Variants in SLC11A2 observed in about 807,000 individuals in gnomAD.
SLC11A2 encodes natural resistance-associated macrophage protein 2.
SLC11A2 carries 38 observed loss-of-function variants against 68.0 expected under a neutral mutation model. That is an observed-to-expected ratio of 0.56 (90% CI 0.43 to 0.73). The LOEUF is 0.73. Among genes scored for constraint, SLC11A2 ranks in the 30% least tolerant of loss-of-function variants. The pLI is 0.00. For synonymous variants in SLC11A2, 242 were observed against 250.6 expected, an observed-to-expected ratio of 0.97 and a Z score of 0.32; for missense variants, 517 against 690.5, an observed-to-expected ratio of 0.75 and a Z score of 2.82.
At chr12:50,975,137 G>A (rs1479144719), downstream of SLC11A2, among the ~76,000 whole-genome samples, 3 of 152,148 alleles carry the variant, frequency 2.0e-5, no homozygotes, top group Non-Finnish European at 2.9e-5. Context: ...GCACCAAGTG[G>A]ACCTAATAGA....
chr12:50,981,974 G>C (rs574344653), downstream of SLC11A2, among the ~76,000 whole-genome samples: 13 of 152,258 alleles, frequency 8.5e-5, no homozygotes, highest in African/African-American at 3.1e-4. Flanking sequence ...AATGGCTTCT[G>C]ATATGCAAAA....
At chr12:50,995,034 G>GGC (rs1358770461) in intron 10 of SLC11A2, 3 of 279,348 alleles carry the variant, frequency 1.1e-5, no homozygotes, top group African/African-American at 6.7e-5. Context: ...AGGCAGGCCA[G>GGC]GCACAGGAGC....
chr12:50,989,666 T>A (rs2136174033), intron 15 of SLC11A2, among the ~76,000 whole-genome samples: 1 of 152,262 alleles, frequency 6.6e-6, no homozygotes, highest in South Asian at 2.1e-4. Flanking sequence ...TTCCTTGAAG[T>A]TAAGTTCCTA....
At chr12:50,978,984 T>C (rs1440304686), downstream of SLC11A2, among the ~76,000 whole-genome samples, 2 of 152,184 alleles carry the variant, frequency 1.3e-5, no homozygotes, top group Non-Finnish European at 2.9e-5. Flanking sequence ...AATTAGGTAA[T>C]TGCACTTTTT....
chr12:50,954,221 G>A, the SLC11A2 span: 16 of 585,058 alleles, frequency 2.7e-5, no homozygotes, highest in East Asian at 4.5e-4. Context: ...CCTCCTCTAA[G>A]CATGTGTTGA....
At chr12:51,012,729 T>C (rs940154834) in intron 1 of SLC11A2, among the ~76,000 whole-genome samples, 2 of 152,222 alleles carry the variant, frequency 1.3e-5, no homozygotes, top group African/African-American at 2.4e-5. Context: ...TTGGAAAACA[T>C]AATCCTTCCT....
intron 5 of SLC11A2, among the ~76,000 whole-genome samples, chr12:51,004,386 T>C (rs1013357525): frequency 2.2e-4 from 34 of 152,122 alleles, no homozygotes; most frequent in African/African-American, 8.2e-4. Flanking sequence ...AGAAAAAAAA[T>C]TACTTTTTCA....
At chr12:51,019,088 G>A (rs1943867375) in intron 1 of SLC11A2, among the ~76,000 whole-genome samples, 1 of 152,102 alleles carries the variant, frequency 6.6e-6, no homozygotes, top group South Asian at 2.1e-4. Flanking sequence ...ATGCGTTCAA[G>A]CTACATGGCA....
the SLC11A2 span, among the ~76,000 whole-genome samples, chr12:50,973,546 G>T: frequency 6.6e-6 from 1 of 152,234 alleles, no homozygotes; most frequent in Middle Eastern, 3.4e-3. Flanking sequence ...GGAAAAAACA[G>T]AGCAGAAAAA....
intron 11 of SLC11A2, 159 bp from the exon 12 acceptor site, chr12:50,993,088 A>G: frequency 1.3e-6 from 1 of 784,056 alleles, no homozygotes. Context: ...TCAAGTCTGG[A>G]CCTCATTCCA....
the SLC11A2 span, among the ~76,000 whole-genome samples, chr12:50,952,699 G>A: frequency 3.3e-5 from 5 of 152,138 alleles, no homozygotes; most frequent in Admixed American, 6.5e-5. Context: ...GCGCACCTGC[G>A]ATGGCCTTAC....
Position 51,010,749 on chromosome 12 carries a change from A to G in SLC11A2, c.-21T>C, listed in dbSNP as rs750610906. ...ACCATGGTGGATACCTGAGTGGCTG[A>G]GTTCTTAGAATATGATTCTGGAAAG... On this transcript the variant is annotated 5_prime_UTR_variant, in exon 2 of 16. Transcript: ENST00000262052. 1.2e-6 allele frequency: 2 copies of G among 1,601,556 alleles called. No individual in the cohort carries two copies. The highest frequency in any genetic ancestry group is 2.2e-5 in the East Asian group (1 of 44,816).
Position 50,987,780 on chromosome 12 carries a change from T to C in SLC11A2, c.*545A>G. 7.8e-7 allele frequency: 1 copy of C among 1,285,224 alleles called. No individual in the cohort carries two copies. The highest frequency in any genetic ancestry group is 1.0e-6 in the Non-Finnish European group (1 of 987,858). The allele number at this position is 1,285,224 out of a possible 1,614,324, so 79.6% of individuals were successfully genotyped here. ...AAATAAGTTCAAAGAATCCTAAGCC[T>C]GATAGAGCTAGGTGTCTCTTCATTT... On this transcript the variant is annotated 3_prime_UTR_variant, in exon 16 of 16. Coordinates refer to ENST00000262052, the MANE Select transcript of SLC11A2 (RefSeq NM_000617.3).
At chr12:50,990,525 AT>A in intron 15 of SLC11A2, 1 of 399,728 alleles carries the variant, frequency 2.5e-6, no homozygotes, top group Non-Finnish European at 4.5e-6. Flanking sequence ...TTCCATATAC[AT>A]TGTCTCGATC....
the SLC11A2 span, among the ~76,000 whole-genome samples, chr12:50,971,145 G>A: frequency 1.2e-4 from 19 of 152,138 alleles, no homozygotes; most frequent in Non-Finnish European, 4.4e-5. Context: ...TTCCCAAAGT[G>A]CTGGGATTAC....
intron 8 of SLC11A2, among the ~76,000 whole-genome samples, chr12:50,998,862 C>T (rs1021381996): frequency 6.6e-6 from 1 of 152,168 alleles, no homozygotes; most frequent in African/African-American, 2.4e-5. Context: ...CTGCAACCCC[C>T]TCCTTAATTA....
downstream of SLC11A2, among the ~76,000 whole-genome samples, chr12:50,976,212 T>A (rs1334855651): frequency 6.6e-6 from 1 of 152,082 alleles, no homozygotes; most frequent in Non-Finnish European, 1.5e-5. Context: ...TAGACCAATA[T>A]CCCTGATGAA....
At chr12:51,012,857 C>A (rs1402322823) in intron 1 of SLC11A2, among the ~76,000 whole-genome samples, 1 of 152,200 alleles carries the variant, frequency 6.6e-6, no homozygotes, top group African/African-American at 2.4e-5. Flanking sequence ...ATAATACTGA[C>A]TAAATTCAAC....
At chr12:50,961,242 T>C in the SLC11A2 span, 1 of 907,682 alleles carries the variant, frequency 1.1e-6, no homozygotes, top group Non-Finnish European at 1.6e-6. Context: ...CTTCCCTTAG[T>C]TGAGGTTGTG....
Sources: gnomAD v4.1 joint callset for allele counts (sites outside exome capture counted in the v4.1 genomes callset) on GRCh38, gnomAD v4.1.1 for gene constraint, MANE v1.5 for transcripts, NCBI Gene and HGNC (gene_info 2026-07-23, HGNC 2026-07-21) for gene names.